The following SLC43A1 variants were observed in gnomAD, a reference collection of about 807,000 sequenced individuals.
The protein encoded by SLC43A1 is solute carrier family 43 member 1.
SLC43A1 carries 31 observed loss-of-function variants against 59.5 expected under a neutral mutation model. That is an observed-to-expected ratio of 0.52 (90% CI 0.39 to 0.70). The LOEUF is 0.70. SLC43A1 is among the 30% of genes least tolerant of loss of function. The pLI, the probability that SLC43A1 is intolerant of heterozygous loss-of-function variation, is 0.00. For synonymous variants in SLC43A1, 259 were observed against 290.9 expected (o/e 0.89, Z 1.12); for missense variants, 598 against 717.8 (o/e 0.83, Z 1.91).
chr11:57,488,663 G>T (rs1245058726), intron 13 of SLC43A1, among the ~76,000 whole-genome samples: 1 of 152,124 alleles, frequency 6.6e-6, no homozygotes, highest in African/African-American at 2.4e-5. Context: ...CCATTCTGGG[G>T]GCCGTTTCAA....
rs370079983 is a variant in SLC43A1, at chr11:57,489,295, C to A, written c.1291G>T (p.Val431Leu). The A allele has an allele frequency of 9.3e-6, 15 of 1,614,078 alleles. No homozygotes were observed. The Admixed American group carries it at 1.8e-4, about 20-fold the overall frequency. Residue 431 changes from valine (V) to leucine (L), a missense_variant, in exon 12 of 15, where the codon GTG becomes TTG. Transcript: ENST00000278426. ...ATGAGACAGGTGATGCCAAAACCCACAAGCAGCAGGTTGGTCAGGGTGAAG... is the reference window on the plus strand; with the variant it reads ...ATGAGACAGGTGATGCCAAAACCCAAAAGCAGCAGGTTGGTCAGGGTGAAG... ...SAFTLTNLLL[V>L]GFGITCLINN...
chr11:57,503,257 T>C (rs1270338757), intron 2 of SLC43A1, among the ~76,000 whole-genome samples: 1 of 150,004 alleles, frequency 6.7e-6, no homozygotes, highest in Non-Finnish European at 1.5e-5. Flanking sequence ...GCTAGCCCTA[T>C]AATTTAGTGA....
chr11:57,497,750 T>A lies in SLC43A1; in HGVS notation c.558+3A>T. On this transcript the variant is annotated splice_donor_region_variant and intron_variant, in intron 6 of 14. Transcript: ENST00000278426. The stretch of plus-strand genomic sequence containing the variant: ...CAAAAAGAAAACCCAGGTGGCCTCA[T>A]ACCTTGATTCCTGGGAACGTAATGG... 1 of 1,612,384 alleles carries A rather than the reference T, an allele frequency of 6.2e-7. No homozygotes were observed. The highest frequency in any genetic ancestry group is 8.5e-7 in the Non-Finnish European group (1 of 1,178,786).
intron 8 of SLC43A1, among the ~76,000 whole-genome samples, chr11:57,492,572 AT>A (rs1293805259): frequency 1.2e-3 from 25 of 20,142 alleles, no homozygotes; most frequent in East Asian, 6.4e-3. Flanking sequence ...ATATATATAT[AT>A]AAAAAAATAA....
chr11:57,504,241 C>T (rs1040050608), intron 2 of SLC43A1, among the ~76,000 whole-genome samples: 6 of 152,174 alleles, frequency 3.9e-5, no homozygotes, highest in African/African-American at 1.4e-4. Flanking sequence ...CTAGGCATGA[C>T]TGTAGCTGAG....
At chr11:57,488,763 G>A (rs544515430) in intron 13 of SLC43A1, among the ~76,000 whole-genome samples, 153 bp downstream of exon 13, 3 of 152,340 alleles carry the variant, frequency 2.0e-5, no homozygotes, top group Admixed American at 6.5e-5. Flanking sequence ...ATTACAGCAG[G>A]ATAGGCTGCC....
chr11:57,500,751 G>A, intron 5 of SLC43A1, 28 bp downstream of exon 5: 1 of 1,610,252 alleles, frequency 6.2e-7, no homozygotes, highest in Non-Finnish European at 8.5e-7. Context: ...GGGGAACTCT[G>A]CTGCCAGGCC....
intron 2 of SLC43A1, 132 bp from the exon 3 acceptor site, chr11:57,501,461 TCTC>T: frequency 4.8e-6 from 4 of 830,614 alleles, no homozygotes; most frequent in Non-Finnish European, 7.7e-6. Context: ...TAGAGTCACA[TCTC>T]CTCTGATGGG....
intron 2 of SLC43A1, among the ~76,000 whole-genome samples, chr11:57,501,838 T>TA (rs1016636693): frequency 6.6e-5 from 10 of 151,794 alleles, no homozygotes; most frequent in South Asian, 2.1e-4. Context: ...CATCTCTAAA[T>TA]AAAAAAAAGA....
intron 8 of SLC43A1, among the ~76,000 whole-genome samples, chr11:57,493,726 G>A (rs922314091): frequency 3.9e-5 from 6 of 152,148 alleles, no homozygotes; most frequent in East Asian, 1.9e-4. Context: ...CCAGCTACCC[G>A]ACAGGCCCAG....
At chr11:57,486,986 C>T in intron 14 of SLC43A1, 109 bp downstream of exon 14, 2 of 1,230,222 alleles carry the variant, frequency 1.6e-6, no homozygotes, top group Non-Finnish European at 2.3e-6. Flanking sequence ...TTAGAGACCT[C>T]TGAGGTGCCT....
chr11:57,500,394 T>G (rs982667037), intron 5 of SLC43A1, among the ~76,000 whole-genome samples: 21 of 152,358 alleles, frequency 1.4e-4, no homozygotes, highest in South Asian at 2.1e-4. Context: ...CTATGACGAC[T>G]GACATAATTT....
chr11:57,487,946 G>C (rs761642224), intron 13 of SLC43A1, among the ~76,000 whole-genome samples: 29 of 152,318 alleles, frequency 1.9e-4, no homozygotes, highest in Non-Finnish European at 3.7e-4. Flanking sequence ...CTGTGGCAGA[G>C]TGAACAATGG....
At chr11:57,492,285 A>T (rs1232497390) in intron 8 of SLC43A1, among the ~76,000 whole-genome samples, 4 of 142,318 alleles carry the variant, frequency 2.8e-5, no homozygotes, top group South Asian at 2.2e-4. Flanking sequence ...CATATATATA[A>T]AAATATATAT....
At chr11:57,492,536 GTATATATATATATATATATATA>G (rs71061509) in intron 8 of SLC43A1, among the ~76,000 whole-genome samples, 4 of 79,862 alleles carry the variant, frequency 5.0e-5, no homozygotes, top group African/African-American at 1.1e-4. Flanking sequence ...ATAATTTTGT[GTATATATATATATATATATATA>G]TATATATATA....
chr11:57,497,519 G>C (rs1944121741), intron 6 of SLC43A1, among the ~76,000 whole-genome samples: 1 of 152,252 alleles, frequency 6.6e-6, no homozygotes, highest in Admixed American at 6.5e-5. Context: ...CCCCATCTGA[G>C]ATCTTTCTGG....
chr11:57,489,100 C>G (rs1380091999), intron 12 of SLC43A1, 111 bp from the exon 13 acceptor site: 10 of 1,430,986 alleles, frequency 7.0e-6, no homozygotes, highest in Non-Finnish European at 8.8e-6. Context: ...CCTCGCCAAC[C>G]CAATCTACTA....
At position 57,497,766 on chromosome 11, in the gene SLC43A1, A is replaced by C. The variant is rs760457060; in HGVS notation, c.545T>G (p.Phe182Cys). The C allele has an allele frequency of 5.6e-6, 9 of 1,613,248 alleles. No homozygotes were observed. Among genetic ancestry groups the C allele is most frequent in the Non-Finnish European group, 6.8e-6 (8 of 1,179,566 alleles). Reference protein sequence around the residue: ...IGSYASSAITFPGIKLIYDAG... With the variant: ...IGSYASSAITCPGIKLIYDAG... ...GTGGCCTCATACCTTGATTCCTGGG[A>C]ACGTAATGGCAGAAGAGGCGTAAGA... Residue 182 changes from phenylalanine to cysteine, a missense_variant, in exon 6 of 15, where the codon TTC becomes TGC. Phe to Cys is a radical substitution (Grantham distance 205, BLOSUM62 -2). Transcript: ENST00000278426.
Position 57,497,737 on chromosome 11 carries a change from C to A in SLC43A1, c.558+16G>T. ...TCTTGTGTCAAGACAAAAAGAAAAC[C>A]CAGGTGGCCTCATACCTTGATTCCT... On this transcript the variant is annotated intron_variant, in intron 6 of 14. Coordinates refer to ENST00000278426, the MANE Select transcript of SLC43A1 (RefSeq NM_003627.6). 1 of 1,605,734 alleles carries A rather than the reference C, an allele frequency of 6.2e-7. No individual in the cohort carries two copies. The highest frequency in any genetic ancestry group is 8.5e-7 in the Non-Finnish European group (1 of 1,173,474).
Sources: allele counts gnomAD v4.1 joint callset (sites outside exome capture counted in the v4.1 genomes callset), GRCh38; gene constraint gnomAD v4.1.1; transcripts MANE v1.5; gene names NCBI Gene and HGNC (gene_info 2026-07-23, HGNC 2026-07-21).